The following CNTLN variants were observed in gnomAD, a reference collection of about 807,000 sequenced individuals.
The protein encoded by CNTLN is centlein, centrosomal protein.
A neutral mutation model predicts 180.0 loss-of-function variants in CNTLN; 212 were observed. The ratio of observed to expected loss-of-function variants is 1.18; its 90% CI spans 1.05 to 1.32. CNTLN has a LOEUF of 1.32. Ranked by LOEUF, CNTLN falls within the 40% of genes most tolerant of loss-of-function variation. The probability of loss-of-function intolerance (pLI) is 0.00; values close to 1 mark genes in which losing one functional copy is unlikely to be tolerated. For missense variants in CNTLN, 2,095 were observed against 1,610.9 expected (o/e 1.30, Z -5.14); for synonymous variants, 722 against 563.1 (o/e 1.28, Z -3.99).
At chr9:17,329,596 T>C (rs920172400) in intron 8 of CNTLN, among the ~76,000 whole-genome samples, 1 of 151,960 alleles carries the variant, frequency 6.6e-6, no homozygotes, top group Non-Finnish European at 1.5e-5. Flanking sequence ...ATAAATCAAA[T>C]ATGGTCCCTC....
chr9:17,484,555 A>G (rs1832807711), intron 24 of CNTLN, 75 bp downstream of exon 24: 1 of 1,214,822 alleles, frequency 8.2e-7, no homozygotes, highest in Non-Finnish European at 1.1e-6. Context: ...TATTTGTTTT[A>G]TACCTCTTAG....
At chr9:17,250,668 T>A (rs1475266275) in intron 5 of CNTLN, among the ~76,000 whole-genome samples, 2 of 152,086 alleles carry the variant, frequency 1.3e-5, no homozygotes, top group African/African-American at 4.8e-5. Context: ...ACAAGTTATA[T>A]CTTACACATG....
chr9:17,394,743 A>C lies in CNTLN; in HGVS notation c.2289A>C (p.Lys763Asn), dbSNP rs1287029636. 6.2e-7 allele frequency: 1 copy of C among 1,614,058 alleles called. No individual in the cohort carries two copies. The change falls in exon 15 of 26, where the codon AAA (lysine) becomes AAC (asparagine). Residue 763 changes from lysine to asparagine, a missense_variant. Lys to Asn is a moderately conservative substitution (Grantham distance 94). Coordinates refer to ENST00000380647, the MANE Select transcript of CNTLN (RefSeq NM_017738.4). ...VEKENTELQV[K>N]ISELETEVTS... The stretch of plus-strand genomic sequence containing the variant: ...AAGAAAATACTGAACTTCAAGTAAA[A>C]ATCAGTGAGCTGGAGACAGAAGTCA...
At chr9:17,331,241 A>G (rs1219933350) in intron 9 of CNTLN, among the ~76,000 whole-genome samples, 2 of 151,862 alleles carry the variant, frequency 1.3e-5, no homozygotes, top group African/African-American at 2.4e-5. Flanking sequence ...TGTGGAAAAT[A>G]AAATAGTAAA....
At chr9:17,302,506 C>G (rs1253631073) in intron 7 of CNTLN, among the ~76,000 whole-genome samples, 1 of 152,060 alleles carries the variant, frequency 6.6e-6, no homozygotes, top group Non-Finnish European at 1.5e-5. Flanking sequence ...GCCCAATTCA[C>G]TTTTAATTAG....
chr9:17,294,380 G>T (rs993591622), intron 6 of CNTLN, among the ~76,000 whole-genome samples: 1 of 151,502 alleles, frequency 6.6e-6, no homozygotes, highest in African/African-American at 2.4e-5. Context: ...ACAGGGTGCT[G>T]ATTGGTGCGT....
At chr9:17,296,063 C>T (rs906548825) in intron 6 of CNTLN, among the ~76,000 whole-genome samples, 24 of 144,606 alleles carry the variant, frequency 1.7e-4, no homozygotes, top group African/African-American at 5.4e-4. Context: ...GCTCTGTCAC[C>T]CAGGTTGGAG....
chr9:17,376,321 C>G (rs1285936358), intron 13 of CNTLN, among the ~76,000 whole-genome samples: 1 of 151,800 alleles, frequency 6.6e-6, no homozygotes, highest in Non-Finnish European at 1.5e-5. Context: ...ATTATACATA[C>G]TTACATTCGA....
the CNTLN span, among the ~76,000 whole-genome samples, chr9:17,528,370 C>A: frequency 6.6e-6 from 1 of 152,190 alleles, no homozygotes; most frequent in African/African-American, 2.4e-5. Context: ...CTTTCTTCCC[C>A]CTAATCCATA....
At chr9:17,290,665 C>A (rs1400605926) in intron 6 of CNTLN, among the ~76,000 whole-genome samples, 3 of 149,732 alleles carry the variant, frequency 2.0e-5, no homozygotes, top group Admixed American at 6.7e-5. Context: ...AGCGAGACTC[C>A]GTGGGCGTAG....
the CNTLN span, among the ~76,000 whole-genome samples, chr9:17,513,086 T>C: frequency 2.6e-5 from 4 of 152,162 alleles, no homozygotes; most frequent in Admixed American, 6.5e-5. Flanking sequence ...CCCAAAGTGC[T>C]GGGATTACAG....
intron 7 of CNTLN, 73 bp from the exon 8 acceptor site, chr9:17,308,977 TATACACAC>T: frequency 1.1e-6 from 1 of 892,116 alleles, no homozygotes; most frequent in Non-Finnish European, 1.6e-6. Context: ...CATATGTATA[TATACACAC>T]ACACACACAC....
intron 16 of CNTLN, among the ~76,000 whole-genome samples, chr9:17,411,786 G>A (rs896670874): frequency 1.3e-5 from 2 of 151,870 alleles, no homozygotes; most frequent in African/African-American, 4.8e-5. Flanking sequence ...CCACCTCCCC[G>A]ACCCACTCCA....
chr9:17,340,116 G>T (rs906296912), intron 10 of CNTLN, among the ~76,000 whole-genome samples: 1 of 152,126 alleles, frequency 6.6e-6, no homozygotes, highest in Non-Finnish European at 1.5e-5. Flanking sequence ...TTGAACTCCA[G>T]CCTGGGCCAC....
intron 23 of CNTLN, among the ~76,000 whole-genome samples, chr9:17,483,752 G>T (rs80136918): frequency 0.01 from 1,566 of 152,168 alleles, 22 homozygotes; most frequent in African/African-American, 0.035. Context: ...TTGTTGTCTT[G>T]CCCACTCATA....
the CNTLN span, among the ~76,000 whole-genome samples, chr9:17,516,464 GA>G: frequency 6.6e-6 from 1 of 152,116 alleles, no homozygotes; most frequent in Admixed American, 6.5e-5. Context: ...GAAGACCCAG[GA>G]AAAAGGGTAT....
chr9:17,150,281 T>C (rs892408465), intron 2 of CNTLN, among the ~76,000 whole-genome samples: 1 of 152,258 alleles, frequency 6.6e-6, no homozygotes, highest in Non-Finnish European at 1.5e-5. Flanking sequence ...TTTATGGTCC[T>C]AGGTCTTACG....
intron 12 of CNTLN, among the ~76,000 whole-genome samples, chr9:17,356,181 T>G (rs1025123103): frequency 1.3e-5 from 2 of 152,166 alleles, no homozygotes; most frequent in Non-Finnish European, 2.9e-5. Context: ...TCAAGAGTTG[T>G]GTAAGTTTTT....
At chr9:17,331,918 A>C (rs1258245825) in intron 9 of CNTLN, among the ~76,000 whole-genome samples, 2 of 151,962 alleles carry the variant, frequency 1.3e-5, no homozygotes, top group Admixed American at 6.6e-5. Flanking sequence ...TCTGCCTTTA[A>C]TAAAAGTCAA....
Sources: gnomAD v4.1 joint callset for allele counts (sites outside exome capture counted in the v4.1 genomes callset) on GRCh38, gnomAD v4.1.1 for gene constraint, MANE v1.5 for transcripts, NCBI Gene and HGNC (gene_info 2026-07-23, HGNC 2026-07-21) for gene names.